Variants in GRM7 observed in about 807,000 individuals in gnomAD.
The protein encoded by GRM7 is metabotropic glutamate receptor 7.
Under a neutral mutation model 84.5 loss-of-function variants are expected in GRM7, and 35 were observed. The observed-to-expected ratio is 0.41, with a 90% confidence interval of 0.32 to 0.55. The LOEUF (loss-of-function observed/expected upper bound fraction) is 0.55, where lower values mean the gene tolerates loss of function less well. Among genes scored for constraint, GRM7 ranks in the 20% least tolerant of loss-of-function variants. The pLI, the probability that GRM7 is intolerant of heterozygous loss-of-function variation, is 0.19. For synonymous variants in GRM7, 487 were observed against 455.1 expected (o/e 1.07, Z -0.89); for missense variants, 1,003 against 1,194.6 (o/e 0.84, Z 2.36).
chr3:7,437,063 T>G (rs967641135), intron 5 of GRM7, among the ~76,000 whole-genome samples: 8 of 152,222 alleles, frequency 5.3e-5, no homozygotes, highest in African/African-American at 1.9e-4. Flanking sequence ...ACACCAACCC[T>G]GTAGCATGAC....
intron 8 of GRM7, among the ~76,000 whole-genome samples, chr3:7,645,320 G>A (rs553169733): frequency 5.7e-4 from 86 of 151,904 alleles, no homozygotes; most frequent in African/African-American, 1.4e-3. Context: ...AGGCCAAGGC[G>A]GGCAGACCAC....
chr3:7,146,888 A>G (rs550331536), intron 2 of GRM7, among the ~76,000 whole-genome samples: 3 of 151,674 alleles, frequency 2.0e-5, no homozygotes, highest in Non-Finnish European at 4.4e-5. Context: ...ATAAATGAAG[A>G]AAAAAAAATA....
chr3:7,573,463 A>G (rs551797088), intron 7 of GRM7, among the ~76,000 whole-genome samples: 7 of 152,324 alleles, frequency 4.6e-5, no homozygotes, highest in African/African-American at 1.7e-4. Flanking sequence ...GCGTGGGGAA[A>G]GGAACAGATC....
chr3:7,146,805 C>A, intron 2 of GRM7, 137 bp downstream of exon 2: 1 of 634,108 alleles, frequency 1.6e-6, no homozygotes, highest in Non-Finnish European at 2.7e-6. Flanking sequence ...GTGATGTCTT[C>A]ATCTGTATGA....
In GRM7 at chr3:7,239,414, T is replaced by C. The variant is rs12152302; in HGVS notation, c.737-59270T>C. On this transcript the variant is annotated intron_variant, in intron 2 of 9. Transcript: ENST00000357716. ...CACTATCCAGGAAGCTCTGGGATCA[T>C]AGTTTGCTCATCTATGAAATATGGC... 1.9e-3 allele frequency among the ~76,000 whole-genome samples: 288 copies of C among 152,284 alleles called. 1 individual carries two copies. The highest frequency in any genetic ancestry group is 2.2e-3 in the Non-Finnish European group (150 of 68,016).
intron 2 of GRM7, among the ~76,000 whole-genome samples, chr3:7,202,952 AT>A (rs149043525): frequency 0.014 from 2,205 of 152,306 alleles, 40 homozygotes; most frequent in African/African-American, 0.049. Flanking sequence ...AACATTTTCT[AT>A]TATTAATGGT....
At chr3:6,940,935 A>T (rs1327217461) in intron 1 of GRM7, among the ~76,000 whole-genome samples, 1 of 152,216 alleles carries the variant, frequency 6.6e-6, no homozygotes, top group Non-Finnish European at 1.5e-5. Context: ...CTGCTGCAGA[A>T]ATCGATGTCC....
intron 1 of GRM7, among the ~76,000 whole-genome samples, chr3:6,943,104 G>C (rs901044546): frequency 1.2e-4 from 19 of 152,014 alleles, no homozygotes; most frequent in African/African-American, 3.4e-4. Flanking sequence ...ATATATTCTA[G>C]AGACAAGTTC....
chr3:7,504,585 A>G (rs917620666), intron 7 of GRM7, among the ~76,000 whole-genome samples: 1 of 152,252 alleles, frequency 6.6e-6, no homozygotes. Context: ...ATAACATGGC[A>G]GAGAGCATCA....
intron 1 of GRM7, among the ~76,000 whole-genome samples, chr3:7,057,571 CA>C (rs1303154238): frequency 6.6e-6 from 1 of 151,860 alleles, no homozygotes; most frequent in Non-Finnish European, 1.5e-5. Flanking sequence ...TGAATTGTGG[CA>C]AATCATTGCG....
At chr3:7,132,151 T>G (rs960407289) in intron 1 of GRM7, among the ~76,000 whole-genome samples, 3 of 152,184 alleles carry the variant, frequency 2.0e-5, no homozygotes, top group Non-Finnish European at 4.4e-5. Flanking sequence ...TTCAGTGACC[T>G]TTTAGTGTTT....
chr3:7,150,061 A>T (rs902311896), intron 2 of GRM7, among the ~76,000 whole-genome samples: 2 of 147,936 alleles, frequency 1.4e-5, no homozygotes, highest in Admixed American at 1.3e-4. Flanking sequence ...GTGTATGTGT[A>T]TACATATATG....
At chr3:7,472,176 T>G (rs1288163637) in intron 7 of GRM7, among the ~76,000 whole-genome samples, 2 of 152,170 alleles carry the variant, frequency 1.3e-5, no homozygotes, top group East Asian at 3.9e-4. Flanking sequence ...CTGCCATGAG[T>G]GCAGGCAGCC....
chr3:7,272,287 T>G (rs1477000150), intron 2 of GRM7, among the ~76,000 whole-genome samples: 1 of 152,192 alleles, frequency 6.6e-6, no homozygotes, highest in Non-Finnish European at 1.5e-5. Flanking sequence ...CATGCTCATT[T>G]TCCACAAGAG....
At chr3:6,982,675 T>G (rs780836266) in intron 1 of GRM7, among the ~76,000 whole-genome samples, 2 of 152,114 alleles carry the variant, frequency 1.3e-5, no homozygotes, top group African/African-American at 2.4e-5. Context: ...GGTAAACCAC[T>G]GATCTGTTCA....
chr3:7,486,168 A>G lies in GRM7; in HGVS notation c.1515+24446A>G, dbSNP rs1699315126. Among the ~76,000 whole-genome samples, 1 of 152,196 alleles carries G rather than the reference A, an allele frequency of 6.6e-6. No homozygotes were observed. The highest frequency in any genetic ancestry group is 1.5e-5 in the Non-Finnish European group (1 of 68,042). On this transcript the variant is annotated intron_variant, in intron 7 of 9. Transcript: ENST00000357716. The surrounding 1 kb of genome is among the most constrained non-coding windows in gnomAD (Gnocchi z 5.5). ...TTAGAATATATTTCATTTTGCTCTA[A>G]AAGTAGAAAAGAACAAGTAAAATGT...
intron 8 of GRM7, among the ~76,000 whole-genome samples, chr3:7,670,684 G>GA (rs60382888): frequency 1 from 152,343 of 152,346 alleles, 76,170 homozygotes; most frequent in Middle Eastern, 1. Flanking sequence ...CTATACAATG[G>GA]ATATTTCACA....
At chr3:7,385,443 G>A (rs1461383241) in intron 4 of GRM7, among the ~76,000 whole-genome samples, 1 of 151,660 alleles carries the variant, frequency 6.6e-6, no homozygotes, top group East Asian at 1.9e-4. Flanking sequence ...TGGGATTACA[G>A]GCGCTCACCA....
At chr3:7,656,545 GCGCACACACACA>G (rs1294699152) in intron 8 of GRM7, among the ~76,000 whole-genome samples, 1 of 120,350 alleles carries the variant, frequency 8.3e-6, no homozygotes, top group Non-Finnish European at 1.6e-5. Context: ...ATATACGCGC[GCGCACACACACA>G]CACACACACA....
Sources: allele counts gnomAD v4.1 joint callset (sites outside exome capture counted in the v4.1 genomes callset), GRCh38; gene constraint gnomAD v4.1.1; non-coding constraint Gnocchi (gnomAD v3.1); transcripts MANE v1.5; gene names NCBI Gene and HGNC (gene_info 2026-07-23, HGNC 2026-07-21).